Variants in NEK5 observed in about 807,000 individuals in gnomAD.
NEK5 encodes the protein serine/threonine-protein kinase Nek5.
A neutral mutation model predicts 109.2 loss-of-function variants in NEK5; 88 were observed. The ratio of observed to expected loss-of-function variants is 0.81; its 90% confidence interval spans 0.68 to 0.96. The LOEUF (loss-of-function observed/expected upper bound fraction) is 0.96, where lower values mean the gene tolerates loss of function less well. Ranked by LOEUF, NEK5 falls within the 40% of genes least tolerant of loss-of-function variation. The pLI is 0.00. For missense variants in NEK5, 834 were observed against 920.7 expected (o/e 0.91, Z 1.22); for synonymous variants, 283 against 299.9 (o/e 0.94, Z 0.58).
chr13:52,104,595 T>C (rs761062373), intron 8 of NEK5, 43 bp from the exon 9 acceptor site: 16 of 1,377,228 alleles, frequency 1.2e-5, no homozygotes, highest in Non-Finnish European at 1.6e-5. Flanking sequence ...ATATCCATAA[T>C]TCTTAATAAA....
rs1413040539 is a variant in NEK5, at chr13:52,034,583, G to A, written c.*2365C>T. The A allele has an allele frequency of 1.4e-5, 2 of 146,778 alleles. No homozygotes were observed. Among genetic ancestry groups the A allele is most frequent in the South Asian group, 2.2e-4 (1 of 4,614 alleles). 9.1% of individuals were successfully genotyped at this position (146,778 alleles called of 1,614,324 possible). ...AGGTGGAGTGCAGTGATGTGATCAC[G>A]GATTATGGCTCACTGTAGCCTCAAC... On this transcript the variant is annotated 3_prime_UTR_variant, in exon 24 of 24. Coordinates refer to ENST00000684899, the MANE Select transcript of NEK5 (RefSeq NM_001365552.1).
At chr13:52,040,338 G>T (rs1008353324) in intron 23 of NEK5, among the ~76,000 whole-genome samples, 3 of 152,038 alleles carry the variant, frequency 2.0e-5, no homozygotes, top group Non-Finnish European at 2.9e-5. Flanking sequence ...GCCCACCTCA[G>T]CCTCCCAAAG....
chr13:52,046,629 G>A (rs1390488975), intron 23 of NEK5, among the ~76,000 whole-genome samples: 2 of 151,972 alleles, frequency 1.3e-5, no homozygotes, highest in East Asian at 3.9e-4. Context: ...TACTCAGCAG[G>A]CTGAAGTGGG....
chr13:52,114,159 C>CA (rs1955806656), intron 4 of NEK5, among the ~76,000 whole-genome samples: 2 of 152,160 alleles, frequency 1.3e-5, no homozygotes, highest in African/African-American at 4.8e-5. Context: ...GTCTACACTT[C>CA]ATTCTTTTGT....
At chr13:52,107,990 T>C (rs1342805850) in intron 8 of NEK5, among the ~76,000 whole-genome samples, 8 of 152,136 alleles carry the variant, frequency 5.3e-5, no homozygotes, top group South Asian at 2.1e-4. Flanking sequence ...CACTTACACA[T>C]AGACATATAG....
intron 9 of NEK5, among the ~76,000 whole-genome samples, chr13:52,103,418 G>A (rs771996746): frequency 1.6e-4 from 24 of 152,176 alleles, no homozygotes; most frequent in Non-Finnish European, 2.8e-4. Context: ...GCAACAGAGC[G>A]GGACTCCATC....
chr13:52,059,565 C>A (rs1226321017), intron 22 of NEK5, among the ~76,000 whole-genome samples: 1 of 150,856 alleles, frequency 6.6e-6, no homozygotes. Context: ...AAATGTCCAA[C>A]AATGATAGAC....
At chr13:52,078,097 T>C (rs1306886347) in intron 17 of NEK5, among the ~76,000 whole-genome samples, 3 of 151,730 alleles carry the variant, frequency 2.0e-5, no homozygotes, top group East Asian at 1.9e-4. Flanking sequence ...AAGATTTGTA[T>C]ATGAATGTTC....
chr13:52,087,867 T>C lies in NEK5; in HGVS notation c.1276-413A>G, dbSNP rs184237827. Among the ~76,000 whole-genome samples the C allele has an allele frequency of 1.3e-3, 200 of 151,890 alleles. 3 individuals are homozygous for C. Among genetic ancestry groups the C allele is most frequent in the African/African-American group, 3.9e-4 (16 of 41,438 alleles). ...GTCTCAATCTCCTGACCTCGTGATC[T>C]GCCCGCCTTGGCCTCCCAAAGTGCT... On this transcript the variant is annotated intron_variant, in intron 14 of 23. Coordinates refer to ENST00000684899, the MANE Select transcript of NEK5 (RefSeq NM_001365552.1).
intron 20 of NEK5, among the ~76,000 whole-genome samples, chr13:52,066,400 T>C (rs1266730679): frequency 6.6e-6 from 1 of 152,094 alleles, no homozygotes; most frequent in Admixed American, 6.6e-5. Context: ...TTCTAGGGGT[T>C]AGTATGATTT....
chr13:52,066,602 G>A (rs992517891), intron 20 of NEK5, among the ~76,000 whole-genome samples: 4 of 151,866 alleles, frequency 2.6e-5, no homozygotes, highest in Non-Finnish European at 5.9e-5. Context: ...TCAAGAGATC[G>A]AAACCATCCT....
At chr13:52,083,403 G>C (rs1432323060) in intron 16 of NEK5, 51 bp from the exon 17 acceptor site, 1 of 1,154,676 alleles carries the variant, frequency 8.7e-7, no homozygotes, top group Admixed American at 1.7e-5. Context: ...AGTGAGCTCT[G>C]AAGGCTACTT....
chr13:52,080,855 A>C (rs767805398), intron 17 of NEK5, among the ~76,000 whole-genome samples: 58 of 148,550 alleles, frequency 3.9e-4, no homozygotes, highest in South Asian at 1.3e-3. Context: ...CCTGCCAAAT[A>C]CCCCTCTGCG....
intron 19 of NEK5, among the ~76,000 whole-genome samples, chr13:52,072,329 C>T (rs1468739559): frequency 6.6e-6 from 1 of 152,198 alleles, no homozygotes; most frequent in Non-Finnish European, 1.5e-5. Context: ...GACTTTCTGA[C>T]TTCAATAGTA....
intron 21 of NEK5, among the ~76,000 whole-genome samples, chr13:52,063,080 G>GTCTCCC (rs1385676960): frequency 6.7e-6 from 1 of 150,036 alleles, no homozygotes; most frequent in Non-Finnish European, 1.5e-5. Context: ...TCTCCCCACG[G>GTCTCCC]TCTCCCTCTC....
Position 52,065,599 on chromosome 13 carries a change from C to T in NEK5, c.1860G>A (p.Thr620=), listed in dbSNP as rs141292038. The T allele has an allele frequency of 5.1e-4, 820 of 1,612,088 alleles. 3 individuals carry two copies. The African/African-American group carries it at 8.2e-3, about 16-fold the overall frequency. The part of the protein sequence containing the change: ...KLHCPEAGFS[T]QTVAAVGNRR... ...TGTTTCCCACAGCAGCTACAGTCTGCGTGGAAAACCCTGGGTGTAAGAAAA... is the reference window on the plus strand; with the variant it reads ...TGTTTCCCACAGCAGCTACAGTCTGTGTGGAAAACCCTGGGTGTAAGAAAA... The change falls in exon 21 of 24, where the codon ACG becomes ACA. Residue 620 remains threonine (T), a synonymous_variant. Transcript: ENST00000684899.
chr13:52,087,247 T>C, intron 15 of NEK5, 91 bp downstream of exon 15: 1 of 670,616 alleles, frequency 1.5e-6, no homozygotes, highest in Non-Finnish European at 2.7e-6. Flanking sequence ...TCAGGGGCAC[T>C]GTAGGAAATA....
In NEK5 at chr13:52,037,000, A is replaced by G. The variant is rs758160732; in HGVS notation, c.2447T>C (p.Ile816Thr). 334 of 985,266 alleles carry G rather than the reference A, an allele frequency of 3.4e-4. 2 individuals carry two copies. Among genetic ancestry groups the G allele is most frequent in the South Asian group, 7.5e-4 (16 of 21,288 alleles). The allele number at this position is 985,266 out of a possible 1,614,324, so 61.0% of individuals were successfully genotyped here. Residue 816 changes from isoleucine (I) to threonine (T), a missense_variant, in exon 24 of 24, where the codon ATT becomes ACT. Physicochemically the swap from Ile to Thr is moderately conservative, Grantham distance 89. Transcript: ENST00000684899. Reference sequence around the variant, plus strand: ...TGATGTTCCTTGGTCTTCATCAGTAATACAAATGTGGTCATTAGATGTAGT... The same window carrying G: ...TGATGTTCCTTGGTCTTCATCAGTAGTACAAATGTGGTCATTAGATGTAGT... ...ISTTSNDHIC[I>T]TDEDQGTSTT...
rs569996148 is a variant in NEK5 at position 52,078,614 on chromosome 13, C to T, written c.1573-2471G>A. On this transcript the variant is annotated intron_variant, in intron 17 of 23. Transcript: ENST00000684899. ...ACTGTTTTTTTTTTTAAAGAGATGG[C>T]GGACTCAAGTCCTAATCTGTGGCAG... Among the ~76,000 whole-genome samples the T allele has an allele frequency of 2.4e-4, 36 of 150,272 alleles. No homozygotes were observed. In the South Asian group the frequency reaches 7.3e-3, roughly 31 times the overall value.
Sources: gnomAD v4.1 joint callset for allele counts (sites outside exome capture counted in the v4.1 genomes callset) on GRCh38, gnomAD v4.1.1 for gene constraint, MANE v1.5 for transcripts, NCBI Gene and HGNC (gene_info 2026-07-23, HGNC 2026-07-21) for gene names.